Variants in HPF1 observed in about 807,000 individuals in gnomAD.
HPF1 encodes histone PARylation factor 1, also known as UPF0609 protein C4orf27.
A neutral mutation model predicts 38.8 loss-of-function variants in HPF1; 35 were observed. The ratio of observed to expected loss-of-function variants is 0.90; its 90% confidence interval spans 0.69 to 1.19. The LOEUF (loss-of-function observed/expected upper bound fraction) is 1.19, where lower values mean the gene tolerates loss of function less well. Among genes scored for constraint, HPF1 ranks in the 50% most tolerant of loss-of-function variants. The pLI is 0.00. For synonymous variants in HPF1, 115 were observed against 139.2 expected (o/e 0.83, Z 1.22); for missense variants, 367 against 405.8 (o/e 0.90, Z 0.82).
chr4:169,748,936 AT>A (rs1320117436), intron 3 of HPF1, 94 bp from the exon 4 acceptor site: 54 of 604,974 alleles, frequency 8.9e-5, no homozygotes, highest in South Asian at 2.6e-4. Context: ...ATTTACACCT[AT>A]TTTTTTTCCT....
rs188557477 is a variant in HPF1 at position 169,756,519 on chromosome 4, G to T, written c.48+1311C>A. ...AAAGGCAGTTTTGCATAATAGTTAGGTTGCCTGGGTTGACTCCTGACTCTA... is the reference window on the plus strand; with the variant it reads ...AAAGGCAGTTTTGCATAATAGTTAGTTTGCCTGGGTTGACTCCTGACTCTA... On this transcript the variant is annotated intron_variant, in intron 1 of 7. Transcript: ENST00000393381. Among the ~76,000 whole-genome samples, 9 of 152,288 alleles carry T rather than the reference G, an allele frequency of 5.9e-5. No individual in the cohort carries two copies. In the East Asian group the frequency reaches 1.7e-3, roughly 29 times the overall value.
Position 169,753,741 on chromosome 4 carries a change from G to T in HPF1, c.143C>A (p.Ser48Tyr). The T allele has an allele frequency of 1.9e-6, 3 of 1,613,314 alleles. No individual in the cohort carries two copies. Among genetic ancestry groups the T allele is most frequent in the Non-Finnish European group, 1.7e-6 (2 of 1,179,646 alleles). Reference protein sequence around the residue: ...RKEVENHYKLSLPEDFYHFWK... With the variant: ...RKEVENHYKLYLPEDFYHFWK... ...GAAGTGATAGAAATCTTCAGGTAAA[G>T]AAAGCTTATAATGATTTTCTACTTC... Residue 48 changes from serine to tyrosine, a missense_variant, in exon 2 of 8, where the codon TCT becomes TAT. Physicochemically the swap from Ser to Tyr is moderately radical, Grantham distance 144. Transcript: ENST00000393381.
chr4:169,757,343 TG>T (rs1388088863), intron 1 of HPF1, among the ~76,000 whole-genome samples: 1 of 152,222 alleles, frequency 6.6e-6, no homozygotes, highest in Non-Finnish European at 1.5e-5. Flanking sequence ...TAACACCCCC[TG>T]GGACTTGTTA....
At chr4:169,733,732 C>T (rs1383859898) in intron 6 of HPF1, among the ~76,000 whole-genome samples, 1 of 151,772 alleles carries the variant, frequency 6.6e-6, no homozygotes, top group Admixed American at 6.6e-5. Flanking sequence ...CCTGTCTCTA[C>T]AAAAAATAGA....
intron 6 of HPF1, among the ~76,000 whole-genome samples, chr4:169,737,066 G>A (rs1733905434): frequency 6.6e-6 from 1 of 152,114 alleles, no homozygotes; most frequent in Non-Finnish European, 1.5e-5. Flanking sequence ...TAATGTCAAA[G>A]GTTCGGAAAT....
intron 6 of HPF1, among the ~76,000 whole-genome samples, chr4:169,733,197 TAAG>T (rs1733851835): frequency 6.6e-6 from 1 of 152,186 alleles, no homozygotes; most frequent in Admixed American, 6.5e-5. Context: ...GCGTTTGAGG[TAAG>T]AATAGAGAGA....
chr4:169,755,031 T>C (rs1237089036), intron 1 of HPF1, among the ~76,000 whole-genome samples: 1 of 151,532 alleles, frequency 6.6e-6, no homozygotes, highest in Non-Finnish European at 1.5e-5. Flanking sequence ...AACTCGTCAT[T>C]ATTAGGTATA....
rs149644352 is a variant in HPF1 at position 169,731,064 on chromosome 4, A to G, written c.909+640T>C. Among the ~76,000 whole-genome samples, 473 of 152,328 alleles carry G rather than the reference A, an allele frequency of 3.1e-3. 3 individuals carry two copies. The highest frequency in any genetic ancestry group is 9.7e-3 in the African/African-American group (404 of 41,566). On this transcript the variant is annotated intron_variant, in intron 7 of 7. Coordinates refer to ENST00000393381, the MANE Select transcript of HPF1 (RefSeq NM_017867.3). ...GCAAAGGTGTTGGAAAGCTTGCCCGATCTTACACACTGGGAAGATGTGATT... is the reference window on the plus strand; with the variant it reads ...GCAAAGGTGTTGGAAAGCTTGCCCGGTCTTACACACTGGGAAGATGTGATT...
At chr4:169,751,010 T>G (rs1734112035) in intron 2 of HPF1, among the ~76,000 whole-genome samples, 1 of 152,210 alleles carries the variant, frequency 6.6e-6, no homozygotes, top group South Asian at 2.1e-4. Flanking sequence ...AAGACTGGTT[T>G]GTATTCCTAT....
At chr4:169,740,069 G>A (rs953458985) in intron 5 of HPF1, among the ~76,000 whole-genome samples, 15 of 152,150 alleles carry the variant, frequency 9.9e-5, no homozygotes, top group Admixed American at 2.6e-4. Context: ...GTATAGGGGT[G>A]GGTGACATCC....
At chr4:169,739,767 G>A (rs972314506) in intron 5 of HPF1, among the ~76,000 whole-genome samples, 2 of 152,204 alleles carry the variant, frequency 1.3e-5, no homozygotes, top group Admixed American at 6.5e-5. Flanking sequence ...GTATTCTGCA[G>A]CCGCTCAAAA....
Position 169,742,093 on chromosome 4 carries a change from T to C in HPF1, c.512A>G (p.Lys171Arg), listed in dbSNP as rs1437429196. 1 of 1,611,172 alleles carries C rather than the reference T, an allele frequency of 6.2e-7. No individual in the cohort carries two copies. Among genetic ancestry groups the C allele is most frequent in the Non-Finnish European group, 8.5e-7 (1 of 1,178,804 alleles). ...VFAAVKLFLT[K>R]KLREITDKKK... is the part of the protein sequence containing the mutation. ...TTTATCCGTTATTTCTCTAAGTTTT[T>C]TCGTCAAAAATAATCTGAAAAAGAA... Residue 171 changes from lysine (K) to arginine (R), a missense_variant, in exon 5 of 8, where the codon AAA (lysine) becomes AGA (arginine). Physicochemically the swap from Lys to Arg is conservative, Grantham distance 26. Transcript: ENST00000393381.
intron 4 of HPF1, among the ~76,000 whole-genome samples, chr4:169,747,505 TAA>T (rs1168627350): frequency 6.6e-6 from 1 of 152,144 alleles, no homozygotes; most frequent in Non-Finnish European, 1.5e-5. Flanking sequence ...GAGACAGTAC[TAA>T]AAGAGGTCAA....
rs564759293 is a variant in HPF1, at chr4:169,736,292, C to T, written c.736+1368G>A. ...GTGCACACCTGTAGTCCCAGCTACT[C>T]GGGAGGCCGAGACAGGTTAATTGCA... On this transcript the variant is annotated intron_variant, in intron 6 of 7. Transcript: ENST00000393381. Among the ~76,000 whole-genome samples the T allele has an allele frequency of 2.1e-4, 30 of 139,810 alleles. No homozygotes were observed. The South Asian group carries it at 6.9e-3, about 32-fold the overall frequency. The allele number at this position is 139,810 out of a possible 152,430, so 91.7% of individuals were successfully genotyped here. A position where few individuals can be genotyped will look rare whatever the true frequency, so the allele number is the denominator to read the frequency against.
At chr4:169,750,441 T>C (rs1734102343) in intron 3 of HPF1, 95 bp downstream of exon 3, 2 of 878,444 alleles carry the variant, frequency 2.3e-6, no homozygotes, top group South Asian at 4.4e-5. Flanking sequence ...CAGGGGAAAA[T>C]ATGCCTTTCA....
intron 2 of HPF1, among the ~76,000 whole-genome samples, chr4:169,752,986 G>A: frequency 6.8e-6 from 1 of 147,900 alleles, no homozygotes; most frequent in East Asian, 2.0e-4. Flanking sequence ...AAACATCTTG[G>A]AAAATATTTG....
rs60755557 is a variant in HPF1 at position 169,743,094 on chromosome 4, CA to C, written c.498-988del. 5.5e-3 allele frequency among the ~76,000 whole-genome samples: 786 copies of C among 143,258 alleles called. 11 individuals are homozygous for C. Among genetic ancestry groups the C allele is most frequent in the African/African-American group, 0.018 (693 of 39,314 alleles). 94.0% of individuals were successfully genotyped at this position (143,258 alleles called of 152,430 possible). On this transcript the variant is annotated intron_variant, in intron 4 of 7. Coordinates refer to ENST00000393381, the MANE Select transcript of HPF1 (RefSeq NM_017867.3). ...ACTGCACTTCAGCCTAAGACTGCCT[CA>C]AAAAAAAAAACAAAAAACTGTCTTT...
intron 5 of HPF1, 46 bp from the exon 6 acceptor site, chr4:169,737,793 C>CAA (rs369063413): frequency 1.5e-3 from 1,488 of 961,512 alleles, no homozygotes; most frequent in African/African-American, 2.6e-3. Flanking sequence ...AAGCAGACAT[C>CAA]AAAAAAAAAA....
At chr4:169,738,185 T>C (rs1733922525) in intron 5 of HPF1, among the ~76,000 whole-genome samples, 1 of 152,206 alleles carries the variant, frequency 6.6e-6, no homozygotes, top group African/African-American at 2.4e-5. Flanking sequence ...CTCTCATCCA[T>C]CCTGCCAAAT....
Sources: allele counts gnomAD v4.1 joint callset (sites outside exome capture counted in the v4.1 genomes callset), GRCh38; gene constraint gnomAD v4.1.1; transcripts MANE v1.5; gene names NCBI Gene and HGNC (gene_info 2026-07-23, HGNC 2026-07-21).